TRAPPC10: variants seen among roughly 807,000 people sequenced by gnomAD.
TRAPPC10 encodes the protein TRAPP 130 kDa subunit.
Under a neutral mutation model 125.5 loss-of-function variants are expected in TRAPPC10, and 23 were observed. The observed-to-expected ratio is 0.18, with a 90% CI of 0.13 to 0.26. The LOEUF is 0.26. TRAPPC10 is among the 10% of genes least tolerant of loss of function. The pLI is 1.00. For synonymous variants in TRAPPC10, 509 were observed against 518.0 expected, an observed-to-expected ratio of 0.98 and a Z score of 0.24; for missense variants, 1,123 against 1,308.4, an observed-to-expected ratio of 0.86 and a Z score of 2.19.
At chr21:44,016,864 C>T (rs1971507) in intron 1 of TRAPPC10, among the ~76,000 whole-genome samples, 130,581 of 152,034 alleles carry the variant, frequency 0.86, 56,299 homozygotes, top group Middle Eastern at 0.91. Context: ...TTCACCGTGT[C>T]AGCCAGGATG....
intron 13 of TRAPPC10, 115 bp downstream of exon 13, chr21:44,080,242 A>G (rs890300648): frequency 6.6e-6 from 6 of 902,542 alleles, no homozygotes; most frequent in African/African-American, 5.0e-5. Context: ...TTTGCTGTGT[A>G]GCTGACATGT....
intron 3 of TRAPPC10, among the ~76,000 whole-genome samples, chr21:44,050,829 A>G (rs1438890745): frequency 6.6e-6 from 1 of 152,260 alleles, no homozygotes; most frequent in Non-Finnish European, 1.5e-5. Context: ...TCAGGATACA[A>G]ATGAGAAGTA....
chr21:44,048,705 G>A (rs2035026227), intron 3 of TRAPPC10, among the ~76,000 whole-genome samples: 1 of 151,652 alleles, frequency 6.6e-6, no homozygotes, highest in Non-Finnish European at 1.5e-5. Context: ...TGTTGGCCAA[G>A]CTGGTCTCGA....
intron 1 of TRAPPC10, among the ~76,000 whole-genome samples, chr21:44,017,478 C>T (rs1426304159): frequency 2.6e-5 from 4 of 151,632 alleles, no homozygotes; most frequent in Non-Finnish European, 4.4e-5. Flanking sequence ...TTTAGTGTCT[C>T]GGTAATTTTT....
At chr21:44,069,255 A>G (rs967153417) in intron 7 of TRAPPC10, among the ~76,000 whole-genome samples, 2 of 152,174 alleles carry the variant, frequency 1.3e-5, no homozygotes, top group East Asian at 1.9e-4. Context: ...GCAGCTTGGA[A>G]GAGTACAACC....
chr21:44,063,665 G>A lies in TRAPPC10; in HGVS notation c.918G>A (p.Leu306=). 2 of 1,614,230 alleles carry A rather than the reference G, an allele frequency of 1.2e-6. No individual in the cohort carries two copies. Among genetic ancestry groups the A allele is most frequent in the Non-Finnish European group, 1.7e-6 (2 of 1,180,034 alleles). ...GGCGAGAAGCCACCCTGTTAGATCTGCGCAGTTACCTGTTCTCTCGCCAGT... is the reference window on the plus strand; with the variant it reads ...GGCGAGAAGCCACCCTGTTAGATCTACGCAGTTACCTGTTCTCTCGCCAGT... ...IQRREATLLD[L]RSYLFSRQCT... Residue 306 remains leucine (L), a synonymous_variant, in exon 7 of 23, where the codon CTG becomes CTA. Transcript: ENST00000291574. The surrounding 1 kb of genome is among the most constrained non-coding windows in gnomAD (Gnocchi z 4.4).
chr21:44,080,301 ACT>A (rs1200847240), intron 13 of TRAPPC10, among the ~76,000 whole-genome samples, 174 bp downstream of exon 13: 1 of 152,112 alleles, frequency 6.6e-6, no homozygotes, highest in Non-Finnish European at 1.5e-5. Context: ...TTTAAGTCAA[ACT>A]CTAGACCACA....
In TRAPPC10 at chr21:44,059,501, G is replaced by A; in HGVS notation, c.790+287G>A. The A allele has an allele frequency of 1.3e-6, 1 of 757,162 alleles. No individual in the cohort carries two copies. The allele number at this position is 757,162 out of a possible 1,614,324, so 46.9% of individuals were successfully genotyped here. ...CCTTTCCACAACTCAGTGGCCTGCT[G>A]GTGATGCTTCGATTCTGTCCCTCGT... On this transcript the variant is annotated intron_variant, in intron 6 of 22. Transcript: ENST00000291574. This position sits in a 1 kb window ranked among gnomAD's most constrained non-coding sequence, Gnocchi z 4.4.
At chr21:44,080,272 CTTTTT>C (rs535677107) in intron 13 of TRAPPC10, 145 bp downstream of exon 13, 4 of 604,766 alleles carry the variant, frequency 6.6e-6, no homozygotes, top group Non-Finnish European at 1.1e-5. Context: ...TTTCACCTGA[CTTTTT>C]TTTTTATTTT....
chr21:44,051,859 T>A (rs2035254189), intron 3 of TRAPPC10, among the ~76,000 whole-genome samples: 1 of 152,208 alleles, frequency 6.6e-6, no homozygotes, highest in Non-Finnish European at 1.5e-5. Flanking sequence ...GACAGCCAGC[T>A]TGCCTCCTGA....
At chr21:44,025,629 TTTAAG>T (rs762190997) in intron 1 of TRAPPC10, among the ~76,000 whole-genome samples, 5 of 152,216 alleles carry the variant, frequency 3.3e-5, no homozygotes, top group Admixed American at 6.5e-5. Context: ...GTTCTTGTCT[TTTAAG>T]TTAAAACAGA....
chr21:44,088,207 G>A, intron 17 of TRAPPC10: 1 of 473,842 alleles, frequency 2.1e-6, no homozygotes, highest in Non-Finnish European at 3.9e-6. Flanking sequence ...TAGGCATGAG[G>A]GGCGTAAAAC....
Position 44,056,021 on chromosome 21 carries a change from C to T in TRAPPC10, c.678+128C>T, listed in dbSNP as rs1296196877. ...ATCTCATTGGCAGAGTTTTTAAAAA[C>T]AAAAAACCTGGAATATCTTTAGGAC... On this transcript the variant is annotated intron_variant, in intron 5 of 22. Transcript: ENST00000291574. 3.8e-6 allele frequency: 3 copies of T among 795,668 alleles called. No individual in the cohort carries two copies. In the Admixed American group the frequency reaches 8.6e-5, roughly 23 times the overall value. The allele number at this position is 795,668 out of a possible 1,614,324, so 49.3% of individuals were successfully genotyped here.
intron 1 of TRAPPC10, among the ~76,000 whole-genome samples, chr21:44,020,157 A>G (rs377571508): frequency 1.5e-5 from 2 of 137,682 alleles, no homozygotes; most frequent in Non-Finnish European, 3.1e-5. Flanking sequence ...GTCTCGCTCT[A>G]TTGCCCAGGC....
At chr21:44,047,781 G>C (rs2034959522) in intron 3 of TRAPPC10, among the ~76,000 whole-genome samples, 1 of 151,994 alleles carries the variant, frequency 6.6e-6, no homozygotes, top group South Asian at 2.1e-4. Flanking sequence ...TTCCATATGG[G>C]TCTTTTTCTT....
At chr21:44,036,694 G>A (rs2034008554) in intron 2 of TRAPPC10, among the ~76,000 whole-genome samples, 1 of 152,182 alleles carries the variant, frequency 6.6e-6, no homozygotes, top group Admixed American at 6.5e-5. Context: ...ATGAACCCAG[G>A]GATCCAGGGT....
intron 1 of TRAPPC10, among the ~76,000 whole-genome samples, chr21:44,018,789 A>T (rs1393465455): frequency 1.3e-5 from 2 of 151,976 alleles, no homozygotes; most frequent in African/African-American, 4.8e-5. Context: ...CTGCCAACTG[A>T]CAGTGTGATT....
intron 3 of TRAPPC10, 81 bp from the exon 4 acceptor site, chr21:44,052,199 A>G (rs2035278437): frequency 1.6e-6 from 2 of 1,223,862 alleles, no homozygotes; most frequent in South Asian, 3.1e-5. Flanking sequence ...CGGCCTTTGC[A>G]GGCTGTTATT....
intron 3 of TRAPPC10, among the ~76,000 whole-genome samples, chr21:44,047,892 T>A (rs1485710983): frequency 1.3e-5 from 2 of 152,236 alleles, no homozygotes; most frequent in Non-Finnish European, 2.9e-5. Context: ...TTTTAATTGC[T>A]TTCTGTGTCA....
Sources: gnomAD v4.1 joint callset for allele counts (sites outside exome capture counted in the v4.1 genomes callset) on GRCh38, gnomAD v4.1.1 for gene constraint, Gnocchi (gnomAD v3.1) non-coding constraint, MANE v1.5 for transcripts, NCBI Gene and HGNC (gene_info 2026-07-23, HGNC 2026-07-21) for gene names.